The following RIMBP2 variants were observed in gnomAD, a reference collection of about 807,000 sequenced individuals.
The protein encoded by RIMBP2 is RIMS binding protein 2, also known as RIMS-binding protein 2.
Under a neutral mutation model 118.6 loss-of-function variants are expected in RIMBP2, and 48 were observed. The ratio of observed to expected loss-of-function variants is 0.40; its 90% CI spans 0.32 to 0.51. RIMBP2 has a LOEUF of 0.51. Among genes scored for constraint, RIMBP2 ranks in the 20% least tolerant of loss-of-function variants. The pLI is 0.41. For synonymous variants in RIMBP2, 762 were observed against 742.9 expected, an observed-to-expected ratio of 1.03 and a Z score of -0.42; for missense variants, 1,551 against 1,768.3, an observed-to-expected ratio of 0.88 and a Z score of 2.20.
At chr12:130,664,383 G>GCACGCACGCACGCA (rs1212575577) in intron 1 of RIMBP2, among the ~76,000 whole-genome samples, 1 of 132,326 alleles carries the variant, frequency 7.6e-6, no homozygotes, top group Non-Finnish European at 1.7e-5. Flanking sequence ...ATGCACGCAC[G>GCACGCACGCACGCA]CGCATGCACA....
At chr12:130,452,796 C>G (rs572136379) in intron 7 of RIMBP2, among the ~76,000 whole-genome samples, 1 of 152,296 alleles carries the variant, frequency 6.6e-6, no homozygotes, top group Admixed American at 6.5e-5. Flanking sequence ...TGCCTGACAC[C>G]GCGCCACAGT....
Position 130,670,802 on chromosome 12 carries a change from C to A in RIMBP2, c.-351-42346G>T, listed in dbSNP as rs1190924109. On this transcript the variant is annotated intron_variant, in intron 1 of 22. Transcript: ENST00000690449. The surrounding 1 kb of genome is among the most constrained non-coding windows in gnomAD (Gnocchi z 4.9). ...TATTTATTTATTTATGAGATACAGT[C>A]CCTCTCTGTTGCCCAGGCTGGAGTG... Among the ~76,000 whole-genome samples, 1 of 152,162 alleles carries A rather than the reference C, an allele frequency of 6.6e-6. No individual in the cohort carries two copies. Among genetic ancestry groups the A allele is most frequent in the Non-Finnish European group, 1.5e-5 (1 of 68,030 alleles).
Position 130,397,039 on chromosome 12 carries a change from C to T in RIMBP2, c.*322G>A. ...AAATCATTCCTTTAAGGGCAGATGA[C>T]AAATGCACAAAGACTGGAATTACAG... is the stretch of plus-strand genomic sequence containing the variant. On this transcript the variant is annotated 3_prime_UTR_variant, in exon 23 of 23. Coordinates refer to ENST00000690449, the MANE Select transcript of RIMBP2 (RefSeq NM_001393629.1). The T allele has an allele frequency of 5.3e-6, 1 of 188,456 alleles. No individual in the cohort carries two copies. Among genetic ancestry groups the T allele is most frequent in the Admixed American group, 6.1e-5 (1 of 16,358 alleles). 11.7% of individuals were successfully genotyped at this position (188,456 alleles called of 1,614,324 possible). A position where few individuals can be genotyped will look rare whatever the true frequency, so the allele number is the denominator to read the frequency against.
At chr12:130,550,496 G>C (rs963923528) in intron 2 of RIMBP2, among the ~76,000 whole-genome samples, 1 of 152,282 alleles carries the variant, frequency 6.6e-6, no homozygotes, top group East Asian at 1.9e-4. Flanking sequence ...GTGAATGTTG[G>C]TGTCCAGGCT....
chr12:130,435,588 C>T (rs1317760313), intron 13 of RIMBP2, among the ~76,000 whole-genome samples: 2 of 152,206 alleles, frequency 1.3e-5, no homozygotes, highest in African/African-American at 4.8e-5. Context: ...CCCACGGCCT[C>T]CCCAGAAGCA....
rs541033945 is a variant in RIMBP2, at chr12:130,581,289, G to A, written c.-217+47033C>T. Reference sequence around the variant, plus strand: ...GTTCAAACACAACAGGGTGGGGGGCGTGGATCTGGTGAGCTGAAGCCCACA... The same window carrying A: ...GTTCAAACACAACAGGGTGGGGGGCATGGATCTGGTGAGCTGAAGCCCACA... On this transcript the variant is annotated intron_variant, in intron 2 of 22. Coordinates refer to ENST00000690449, the MANE Select transcript of RIMBP2 (RefSeq NM_001393629.1). The surrounding 1 kb of genome is among the most constrained non-coding windows in gnomAD (Gnocchi z 4.4). Among the ~76,000 whole-genome samples the A allele has an allele frequency of 3.3e-5, 5 of 149,962 alleles. No individual in the cohort carries two copies. Among genetic ancestry groups the A allele is most frequent in the Non-Finnish European group, 4.4e-5 (3 of 67,568 alleles).
At chr12:130,414,340 A>G (rs767427496) in intron 17 of RIMBP2, 34 bp from the exon 18 acceptor site, 2 of 1,544,512 alleles carry the variant, frequency 1.3e-6, no homozygotes, top group Admixed American at 3.9e-5. Flanking sequence ...ACAGAGCGGC[A>G]GTGAGCCTAA....
At chr12:130,682,524 G>A (rs1037855651) in intron 1 of RIMBP2, among the ~76,000 whole-genome samples, 8 of 152,248 alleles carry the variant, frequency 5.3e-5, no homozygotes, top group African/African-American at 1.4e-4. Flanking sequence ...AATCATGCAC[G>A]GCGCACCAGG....
chr12:130,630,683 G>T (rs999524342), intron 1 of RIMBP2, among the ~76,000 whole-genome samples: 1 of 152,134 alleles, frequency 6.6e-6, no homozygotes, highest in East Asian at 1.9e-4. Flanking sequence ...TCCCATAACC[G>T]TTAGAAAGAA....
intron 6 of RIMBP2, among the ~76,000 whole-genome samples, chr12:130,463,572 T>C (rs1204734065): frequency 6.6e-6 from 1 of 152,090 alleles, no homozygotes; most frequent in Non-Finnish European, 1.5e-5. Flanking sequence ...GCAGGCGCTG[T>C]GCTGGCGGCT....
At chr12:130,646,130 T>TCCACCTCCCTCACCACTTCCCTCA (rs2062901952) in intron 1 of RIMBP2, among the ~76,000 whole-genome samples, 1 of 24,390 alleles carries the variant, frequency 4.1e-5, no homozygotes, top group African/African-American at 1.6e-4. Context: ...CACCTGCCTC[T>TCCACCTCCCTCACCACTTCCCTCA]CCACCTCCCT....
intron 3 of RIMBP2, among the ~76,000 whole-genome samples, chr12:130,510,068 C>T (rs185953284): frequency 2.2e-3 from 335 of 152,324 alleles, no homozygotes; most frequent in African/African-American, 7.7e-3. Flanking sequence ...TAAGGGTCAG[C>T]ATCCAGTGCT....
In RIMBP2 at chr12:130,689,572, G is replaced by A. The variant is rs566078607; in HGVS notation, c.-352+26650C>T. ...TCAGCTGGGCCCCAGGCTGTCTCCCGTGCAGTACGATTCTCCCCTGGACGT... is the reference window on the plus strand; with the variant it reads ...TCAGCTGGGCCCCAGGCTGTCTCCCATGCAGTACGATTCTCCCCTGGACGT... On this transcript the variant is annotated intron_variant, in intron 1 of 22. Coordinates refer to ENST00000690449, the MANE Select transcript of RIMBP2 (RefSeq NM_001393629.1). Among the ~76,000 whole-genome samples, 5 of 152,224 alleles carry A rather than the reference G, an allele frequency of 3.3e-5. No homozygotes were observed. In the East Asian group the frequency reaches 5.8e-4, roughly 18 times the overall value.
At chr12:130,494,993 G>C (rs955881249) in intron 4 of RIMBP2, among the ~76,000 whole-genome samples, 1 of 152,208 alleles carries the variant, frequency 6.6e-6, no homozygotes, top group African/African-American at 2.4e-5. Context: ...ACGATGCTTG[G>C]TGATCTTTGA....
At position 130,442,091 on chromosome 12, in the gene RIMBP2, G is replaced by C; in HGVS notation, c.1261C>G (p.Gln421Glu). 5 of 1,614,146 alleles carry C rather than the reference G, an allele frequency of 3.1e-6. No individual in the cohort carries two copies. The highest frequency in any genetic ancestry group is 4.2e-6 in the Non-Finnish European group (5 of 1,180,028). ...PSHLRVDNIT[Q>E]ISAQLSWLPT... ...AGCCAGGAGAGCTGGGCGGAGATCTGCGTGATGTTGTCCACCCGCAGGTGG... is the reference window on the plus strand; with the variant it reads ...AGCCAGGAGAGCTGGGCGGAGATCTCCGTGATGTTGTCCACCCGCAGGTGG... The change falls in exon 11 of 23, where the codon CAG (glutamine) becomes GAG (glutamate). Residue 421 changes from glutamine (Q) to glutamate (E), a missense_variant. Gln to Glu is a conservative substitution (Grantham distance 29). This residue lies in a region of RIMBP2 where 265 missense variants were observed against 349.5 expected (regional missense o/e 0.76). Transcript: ENST00000690449. The surrounding 1 kb of genome is among the most constrained non-coding windows in gnomAD (Gnocchi z 6.9).
intron 4 of RIMBP2, among the ~76,000 whole-genome samples, chr12:130,494,302 C>A (rs908230845): frequency 6.6e-6 from 1 of 152,086 alleles, no homozygotes; most frequent in Non-Finnish European, 1.5e-5. Flanking sequence ...CACTGCTCTG[C>A]CCCCGCCTCC....
chr12:130,649,548 T>G (rs2063138551), intron 1 of RIMBP2, among the ~76,000 whole-genome samples: 1 of 152,190 alleles, frequency 6.6e-6, no homozygotes, highest in South Asian at 2.1e-4. Context: ...CCACAGCCGT[T>G]CTGTGCAATG....
intron 2 of RIMBP2, among the ~76,000 whole-genome samples, chr12:130,528,073 G>A (rs543949979): frequency 6.6e-5 from 10 of 152,302 alleles, no homozygotes; most frequent in African/African-American, 2.4e-4. Flanking sequence ...AATATCATTT[G>A]ACCCAGCAAT....
chr12:130,639,487 C>CAAAAAAAAAAAAAAAAAAAAAAA (rs138670754), intron 1 of RIMBP2, among the ~76,000 whole-genome samples: 1 of 88,086 alleles, frequency 1.1e-5, no homozygotes, highest in African/African-American at 4.9e-5. Context: ...GATCCTGCCT[C>CAAAAAAAAAAAAAAAAAAAAAAA]AAAAAAAAAA....
Sources: allele counts gnomAD v4.1 joint callset (sites outside exome capture counted in the v4.1 genomes callset), GRCh38; gene constraint gnomAD v4.1.1; regional missense constraint gnomAD v4.1.1; non-coding constraint Gnocchi (gnomAD v3.1); transcripts MANE v1.5; gene names NCBI Gene and HGNC (gene_info 2026-07-23, HGNC 2026-07-21).